DCHS2: variants seen among roughly 807,000 people sequenced by gnomAD.
The protein encoded by DCHS2 is dachsous cadherin-related 2.
A neutral mutation model predicts 182.4 loss-of-function variants in DCHS2; 142 were observed. The ratio of observed to expected loss-of-function variants is 0.78; its 90% CI spans 0.68 to 0.89. The LOEUF (loss-of-function observed/expected upper bound fraction) is 0.89. Ranked by LOEUF, DCHS2 falls within the 40% of genes least tolerant of loss-of-function variation. DCHS2 has a pLI of 0.00. For synonymous variants in DCHS2, 1,740 were observed against 1,663.3 expected, an observed-to-expected ratio of 1.05 and a Z score of -1.12; for missense variants, 4,319 against 4,198.6, an observed-to-expected ratio of 1.03 and a Z score of -0.79.
At chr4:154,255,059 T>C (rs1217293663) in intron 16 of DCHS2, among the ~76,000 whole-genome samples, 1 of 152,170 alleles carries the variant, frequency 6.6e-6, no homozygotes, top group Non-Finnish European at 1.5e-5. Flanking sequence ...TCATTTCTAT[T>C]AGAACACAGA....
At position 154,432,567 on chromosome 4, in the gene DCHS2, G is replaced by A. The variant is rs777476461; in HGVS notation, c.2053-55123C>T. 5.9e-5 allele frequency among the ~76,000 whole-genome samples: 9 copies of A among 151,792 alleles called. No homozygotes were observed. The South Asian group carries it at 6.2e-4, about 11-fold the overall frequency. On this transcript the variant is annotated intron_variant, in intron 1 of 19. Transcript: ENST00000357232. Reference sequence around the variant, plus strand: ...TTGTTTTAGACTTTAAGTTAAATACGCATGTTAAAATAGGCCAGGTGAACA... The same window carrying A: ...TTGTTTTAGACTTTAAGTTAAATACACATGTTAAAATAGGCCAGGTGAACA...
At position 154,489,451 on chromosome 4, in the gene DCHS2, G is replaced by T; in HGVS notation, c.1905C>A (p.Ala635=). The change falls in exon 1 of 20, where the codon GCC becomes GCA. Residue 635 remains alanine, a synonymous_variant. Transcript: ENST00000357232. ...VQEAVELKVV[A]QDLGEPPLSA... is the part of the protein sequence containing the mutation. The stretch of plus-strand genomic sequence containing the variant: ...AGAGTGGGGGCTCTCCGAGGTCCTG[G>T]GCCACCACTTTCAGCTCCACCGCCT... The T allele has an allele frequency of 6.4e-7, 1 of 1,551,694 alleles. No homozygotes were observed. The highest frequency in any genetic ancestry group is 8.7e-7 in the Non-Finnish European group (1 of 1,146,984).
intron 1 of DCHS2, among the ~76,000 whole-genome samples, chr4:154,438,917 T>C (rs1010130480): frequency 2.6e-5 from 4 of 152,214 alleles, no homozygotes; most frequent in African/African-American, 9.6e-5. Flanking sequence ...TATAAAGAGT[T>C]GGGCTCATGT....
At chr4:154,284,319 T>C (rs1415337333) in intron 13 of DCHS2, 1 of 152,130 alleles carries the variant, frequency 6.6e-6, no homozygotes, top group East Asian at 1.9e-4. Flanking sequence ...ACTTAAATAT[T>C]AATAAGGAGG....
chr4:154,385,285 T>G (rs377300741), intron 1 of DCHS2, among the ~76,000 whole-genome samples: 2 of 152,274 alleles, frequency 1.3e-5, no homozygotes, highest in Non-Finnish European at 2.9e-5. Flanking sequence ...AGTATTCCAT[T>G]GTGTATATGT....
At chr4:154,406,774 C>T (rs1449301837) in intron 1 of DCHS2, among the ~76,000 whole-genome samples, 1 of 152,156 alleles carries the variant, frequency 6.6e-6, no homozygotes, top group Non-Finnish European at 1.5e-5. Context: ...TCTTCTTTTG[C>T]TATTGTGTTG....
intron 17 of DCHS2, 42 bp downstream of exon 17, chr4:154,242,600 T>A (rs368862870): frequency 1.3e-6 from 2 of 1,595,242 alleles, no homozygotes; most frequent in Non-Finnish European, 1.7e-6. Flanking sequence ...AATGATATTA[T>A]ACAAGTTAAT....
At chr4:154,403,800 A>G (rs1560737755) in intron 1 of DCHS2, among the ~76,000 whole-genome samples, 1 of 152,098 alleles carries the variant, frequency 6.6e-6, no homozygotes, top group Admixed American at 6.5e-5. Flanking sequence ...ATACAGAGCT[A>G]TTGTGATTTT....
At chr4:154,243,287 A>C (rs980967066) in intron 16 of DCHS2, among the ~76,000 whole-genome samples, 1 of 152,204 alleles carries the variant, frequency 6.6e-6, no homozygotes, top group East Asian at 1.9e-4. Context: ...CACCGCTATG[A>C]TGAACACACT....
intron 1 of DCHS2, among the ~76,000 whole-genome samples, chr4:154,478,570 A>C (rs1453913095): frequency 6.6e-6 from 1 of 152,144 alleles, no homozygotes; most frequent in African/African-American, 2.4e-5. Context: ...AGAAACACAC[A>C]GTCTTTCTGG....
intron 1 of DCHS2, among the ~76,000 whole-genome samples, chr4:154,471,452 T>G (rs1735464587): frequency 6.6e-6 from 1 of 152,188 alleles, no homozygotes. Flanking sequence ...CTTCCCTTTA[T>G]TTTCAAGGTC....
intron 1 of DCHS2, among the ~76,000 whole-genome samples, chr4:154,436,801 G>A (rs1159343004): frequency 6.6e-6 from 1 of 152,104 alleles, no homozygotes; most frequent in African/African-American, 2.4e-5. Flanking sequence ...GTATTACAAT[G>A]CACATGGAGG....
At chr4:154,407,624 C>CTGAG (rs749875647) in intron 1 of DCHS2, among the ~76,000 whole-genome samples, 2 of 152,206 alleles carry the variant, frequency 1.3e-5, no homozygotes, top group Non-Finnish European at 2.9e-5. Flanking sequence ...CTTTCTGTCA[C>CTGAG]AGCTGAGAGC....
intron 10 of DCHS2, among the ~76,000 whole-genome samples, chr4:154,310,645 A>T (rs1184169795): frequency 6.6e-6 from 1 of 152,174 alleles, no homozygotes; most frequent in Non-Finnish European, 1.5e-5. Context: ...CTGGGGATGG[A>T]TCATGGTGCC....
At chr4:154,486,405 G>GT in intron 1 of DCHS2, 2 of 1,303,774 alleles carry the variant, frequency 1.5e-6, no homozygotes, top group Non-Finnish European at 2.0e-6. Context: ...TAAAGGGTTT[G>GT]TTTTTATCAG....
chr4:154,298,498 T>G lies in DCHS2; in HGVS notation c.5816A>C (p.Gln1939Pro). ...HSPSFPTLYY[Q>P]SSVREDAEVG... ...TTCAGCATCTTCTCTCACAGAGGAC[T>G]GGTAATAAAGTGTGGGAAAAGAAGG... is the stretch of plus-strand genomic sequence containing the variant. The change falls in exon 13 of 20, where the codon CAG becomes CCG. Residue 1939 changes from glutamine to proline, a missense_variant. By Grantham distance (76) the Gln-to-Pro change is moderately conservative. Transcript: ENST00000357232. 1 of 1,614,124 alleles carries G rather than the reference T, an allele frequency of 6.2e-7. No individual in the cohort carries two copies. The highest frequency in any genetic ancestry group is 1.3e-5 in the African/African-American group (1 of 75,052).
chr4:154,425,924 A>G (rs4696210), intron 1 of DCHS2, among the ~76,000 whole-genome samples: 77,917 of 152,126 alleles, frequency 0.51, 21,123 homozygotes, highest in Middle Eastern at 0.67. Context: ...CTGTTAAAGC[A>G]TTCCATTATC....
intron 2 of DCHS2, among the ~76,000 whole-genome samples, chr4:154,367,193 G>A (rs1424036758): frequency 2.0e-5 from 3 of 152,212 alleles, no homozygotes; most frequent in East Asian, 3.8e-4. Flanking sequence ...GGAAGGACAT[G>A]GTTCTTCCTC....
At chr4:154,246,090 T>C (rs1331240598) in intron 16 of DCHS2, among the ~76,000 whole-genome samples, 4 of 152,168 alleles carry the variant, frequency 2.6e-5, no homozygotes, top group South Asian at 2.1e-4. Context: ...AGCATAAAGA[T>C]ACGTGAGGAG....
Sources: allele counts gnomAD v4.1 joint callset (sites outside exome capture counted in the v4.1 genomes callset), GRCh38; gene constraint gnomAD v4.1.1; transcripts MANE v1.5; gene names NCBI Gene and HGNC (gene_info 2026-07-23, HGNC 2026-07-21).